DTWD2: variants seen among roughly 807,000 people sequenced by gnomAD.
The protein encoded by DTWD2 is DTW motif tRNA-uridine aminocarboxypropyltransferase 2, also known as tRNA-uridine aminocarboxypropyltransferase 2.
DTWD2 carries 39 observed loss-of-function variants against 31.8 expected under a neutral mutation model. That is an observed-to-expected ratio of 1.22 (90% CI 0.95 to 1.60). The LOEUF (loss-of-function observed/expected upper bound fraction) is 1.60, where lower values mean the gene tolerates loss of function less well. Among genes scored for constraint, DTWD2 ranks in the 40% most tolerant of loss-of-function variants. The pLI, the probability that DTWD2 is intolerant of heterozygous loss-of-function variation, is 0.00. For missense variants in DTWD2, 515 were observed against 381.5 expected (o/e 1.35, Z -2.92); for synonymous variants, 180 against 142.8 (o/e 1.26, Z -1.86).
chr5:118,940,961 T>G (rs1754165122), intron 2 of DTWD2, among the ~76,000 whole-genome samples: 1 of 152,194 alleles, frequency 6.6e-6, no homozygotes, highest in Admixed American at 6.5e-5. Flanking sequence ...CTTGTAAAGC[T>G]TTCTGTTATT....
chr5:118,939,382 T>G, intron 2 of DTWD2, 92 bp from the exon 3 acceptor site: 1 of 1,131,212 alleles, frequency 8.8e-7, no homozygotes, highest in Non-Finnish European at 1.2e-6. Flanking sequence ...CATAACTTTA[T>G]GCATAACTTT....
intron 1 of DTWD2, among the ~76,000 whole-genome samples, chr5:118,965,839 C>G (rs555322114): frequency 6.6e-6 from 1 of 152,244 alleles, no homozygotes; most frequent in East Asian, 1.9e-4. Context: ...AACCAGAAAC[C>G]TTTGTTCACT....
chr5:118,869,193 G>A (rs1205318848), intron 4 of DTWD2, among the ~76,000 whole-genome samples: 1 of 152,016 alleles, frequency 6.6e-6, no homozygotes, highest in African/African-American at 2.4e-5. Context: ...TTTAAAAATG[G>A]TTCAGACTGT....
intron 2 of DTWD2, among the ~76,000 whole-genome samples, chr5:118,940,998 C>G (rs1399113408): frequency 6.6e-6 from 1 of 152,106 alleles, no homozygotes; most frequent in Non-Finnish European, 1.5e-5. Flanking sequence ...TATTTTTACC[C>G]TTAGGTAATT....
At chr5:118,964,721 T>A (rs988632226) in intron 1 of DTWD2, among the ~76,000 whole-genome samples, 2 of 152,262 alleles carry the variant, frequency 1.3e-5, no homozygotes, top group African/African-American at 2.4e-5. Context: ...GGACTGCAGA[T>A]GGAGTCTCGT....
chr5:118,932,097 T>A (rs544953955), intron 3 of DTWD2, among the ~76,000 whole-genome samples: 16 of 152,194 alleles, frequency 1.1e-4, no homozygotes, highest in African/African-American at 3.9e-4. Context: ...GAGATATTCA[T>A]AGCATTAAAA....
intron 1 of DTWD2, among the ~76,000 whole-genome samples, chr5:118,986,652 A>G (rs1157194586): frequency 1.3e-5 from 2 of 152,232 alleles, no homozygotes; most frequent in Non-Finnish European, 2.9e-5. Flanking sequence ...GAAATAAAAT[A>G]TAAAAAGCCA....
chr5:118,872,220 C>G (rs1399546861), intron 4 of DTWD2, among the ~76,000 whole-genome samples: 1 of 152,144 alleles, frequency 6.6e-6, no homozygotes, highest in Non-Finnish European at 1.5e-5. Context: ...CAAATTTTCT[C>G]CCTATCAGCA....
intron 1 of DTWD2, among the ~76,000 whole-genome samples, chr5:118,985,515 T>TATATATATATATATATATAC: frequency 7.6e-6 from 1 of 132,064 alleles, no homozygotes; most frequent in South Asian, 2.3e-4. Flanking sequence ...TATATATATA[T>TATATATATATATATATATAC]ATACACACAC....
intron 1 of DTWD2, among the ~76,000 whole-genome samples, chr5:118,973,642 AGCCTCCTTGCTCGCGG>A (rs1755047737): frequency 6.7e-6 from 1 of 149,062 alleles, no homozygotes; most frequent in African/African-American, 2.4e-5. Context: ...TGCTCGCGGC[AGCCTCCTTGCTCGCGG>A]CAGCCTCCTT....
chr5:118,876,094 C>T (rs1207639239), intron 4 of DTWD2, among the ~76,000 whole-genome samples: 1 of 152,152 alleles, frequency 6.6e-6, no homozygotes, highest in Non-Finnish European at 1.5e-5. Flanking sequence ...ATAACCTGCT[C>T]CTGAATGACT....
intron 4 of DTWD2, among the ~76,000 whole-genome samples, chr5:118,881,015 G>C (rs1343396694): frequency 6.6e-6 from 1 of 152,142 alleles, no homozygotes; most frequent in Non-Finnish European, 1.5e-5. Flanking sequence ...TCATCCAACA[G>C]AATTAAACTC....
chr5:118,924,749 A>C (rs1356061587), intron 4 of DTWD2, among the ~76,000 whole-genome samples: 3 of 152,218 alleles, frequency 2.0e-5, no homozygotes, highest in African/African-American at 7.2e-5. Context: ...ATTTAGAAAC[A>C]GTATACCACT....
chr5:118,847,715 G>T (rs1751891859), intron 5 of DTWD2, among the ~76,000 whole-genome samples: 1 of 151,592 alleles, frequency 6.6e-6, no homozygotes, highest in African/African-American at 2.4e-5. Flanking sequence ...TGTTGCTATA[G>T]AATGTTCTTT....
chr5:118,962,615 G>T (rs1003091217), intron 1 of DTWD2, among the ~76,000 whole-genome samples: 5 of 152,188 alleles, frequency 3.3e-5, no homozygotes, highest in Admixed American at 1.3e-4. Flanking sequence ...GAAAAAGGAA[G>T]TGGGATTAGG....
intron 4 of DTWD2, among the ~76,000 whole-genome samples, chr5:118,905,204 T>C (rs1257505743): frequency 6.6e-6 from 1 of 152,152 alleles, no homozygotes; most frequent in East Asian, 1.9e-4. Context: ...ATTTTCTCTT[T>C]TATTTCACAT....
chr5:118,939,635 T>C (rs1754137511), intron 2 of DTWD2, among the ~76,000 whole-genome samples: 1 of 152,238 alleles, frequency 6.6e-6, no homozygotes, highest in Non-Finnish European at 1.5e-5. Context: ...AATTACATTT[T>C]GCACTATGCC....
intron 4 of DTWD2, among the ~76,000 whole-genome samples, chr5:118,926,335 G>A (rs988593398): frequency 6.6e-6 from 1 of 152,166 alleles, no homozygotes; most frequent in African/African-American, 2.4e-5. Flanking sequence ...TCACTTATAA[G>A]TGGGAGCTAA....
At chr5:118,915,037 T>C (rs547363385) in intron 4 of DTWD2, among the ~76,000 whole-genome samples, 114 of 152,164 alleles carry the variant, frequency 7.5e-4, no homozygotes, top group Admixed American at 4.8e-3. Flanking sequence ...ACAAACATGA[T>C]AGAATCCTGT....
Sources: gnomAD v4.1 joint callset for allele counts (sites outside exome capture counted in the v4.1 genomes callset) on GRCh38, gnomAD v4.1.1 for gene constraint, MANE v1.5 for transcripts, NCBI Gene and HGNC (gene_info 2026-07-23, HGNC 2026-07-21) for gene names.